M1AP: variants seen among roughly 807,000 people sequenced by gnomAD.
The protein encoded by M1AP is meiosis 1 arrest protein.
M1AP carries 39 observed loss-of-function variants against 51.2 expected under a neutral mutation model. The ratio of observed to expected loss-of-function variants is 0.76; its 90% confidence interval spans 0.59 to 1.00. M1AP has a LOEUF of 1.00. Ranked by LOEUF, M1AP falls within the 50% of genes least tolerant of loss-of-function variation. The pLI is 0.00. For synonymous variants in M1AP, 251 were observed against 249.2 expected, an observed-to-expected ratio of 1.01 and a Z score of -0.07; for missense variants, 545 against 641.2, an observed-to-expected ratio of 0.85 and a Z score of 1.62.
intron 2 of M1AP, among the ~76,000 whole-genome samples, chr2:74,633,839 T>C (rs946715451): frequency 1.3e-5 from 2 of 152,226 alleles, no homozygotes; most frequent in Non-Finnish European, 2.9e-5. Flanking sequence ...GTCCTAGAGG[T>C]GGTATGGCTA....
rs1214602171 is a variant in M1AP, at chr2:74,560,278, C to A, written c.1295G>T (p.Ser432Ile). 1 of 1,608,760 alleles carries A rather than the reference C, an allele frequency of 6.2e-7. No individual in the cohort carries two copies. The highest frequency in any genetic ancestry group is 8.5e-7 in the Non-Finnish European group (1 of 1,177,570). ...GTTGTAGGTGGGCTCCAGCTCCAGG[C>A]TGTCCAGCATGCTCTGAGGAAAAGA... ...SLKNVESMLD[S>I]LELEPTYNPL... The change falls in exon 9 of 11, where the codon AGC (serine) becomes ATC (isoleucine). Residue 432 changes from serine to isoleucine, a missense_variant. By Grantham distance (142) the Ser-to-Ile change is moderately radical (BLOSUM62 -2). Coordinates refer to ENST00000421985, the MANE Select transcript of M1AP (RefSeq NM_001321739.2).
At chr2:74,615,329 C>T (rs901953251) in intron 2 of M1AP, among the ~76,000 whole-genome samples, 180 bp from the exon 3 acceptor site, 11 of 152,190 alleles carry the variant, frequency 7.2e-5, no homozygotes, top group Non-Finnish European at 1.5e-4. Flanking sequence ...CTTCCCTACA[C>T]TAGCAGAAGG....
At position 74,628,711 on chromosome 2, in the gene M1AP, C is replaced by G. The variant is rs1682539503; in HGVS notation, c.240+11325G>C. The G allele has an allele frequency of 6.3e-6, 4 of 639,784 alleles. 1 individual carries two copies. The Admixed American group carries it at 8.1e-5, about 13-fold the overall frequency. The allele number at this position is 639,784 out of a possible 1,614,324, so 39.6% of individuals were successfully genotyped here. A position where few individuals can be genotyped will look rare whatever the true frequency, so the allele number is the denominator to read the frequency against. Reference sequence around the variant, plus strand: ...AGTCTACCTGTGATATTCTTTGCTGCCCAAAAGTCACATGACAACAACAAG... The same window carrying G: ...AGTCTACCTGTGATATTCTTTGCTGGCCAAAAGTCACATGACAACAACAAG... On this transcript the variant is annotated intron_variant, in intron 2 of 10. Coordinates refer to ENST00000421985, the MANE Select transcript of M1AP (RefSeq NM_001321739.2).
intron 4 of M1AP, among the ~76,000 whole-genome samples, chr2:74,599,203 C>T (rs1194828191): frequency 6.6e-6 from 1 of 152,056 alleles, no homozygotes; most frequent in Non-Finnish European, 1.5e-5. Flanking sequence ...TGCTTGAACC[C>T]AGGAGGTGGA....
At chr2:74,616,578 C>A (rs141693023) in intron 2 of M1AP, among the ~76,000 whole-genome samples, 1 of 152,190 alleles carries the variant, frequency 6.6e-6, no homozygotes, top group East Asian at 1.9e-4. Context: ...TTATGCTTGG[C>A]AACCTTTTAT....
At chr2:74,594,518 A>G (rs555090442) in intron 4 of M1AP, among the ~76,000 whole-genome samples, 1 of 152,300 alleles carries the variant, frequency 6.6e-6, no homozygotes, top group African/African-American at 2.4e-5. Context: ...GATAGAGAGA[A>G]AGAATGAGGC....
At chr2:74,560,359 G>C in intron 8 of M1AP, 68 bp from the exon 9 acceptor site, 2 of 1,488,584 alleles carry the variant, frequency 1.3e-6, no homozygotes, top group East Asian at 4.6e-5. Context: ...GTCAGGTAGC[G>C]ATCCAGGAGT....
intron 2 of M1AP, among the ~76,000 whole-genome samples, chr2:74,617,886 C>A (rs979483177): frequency 2.0e-5 from 3 of 152,174 alleles, no homozygotes; most frequent in Non-Finnish European, 1.5e-5. Flanking sequence ...TTTGGCAATG[C>A]CGAATCTGCA....
intron 7 of M1AP, among the ~76,000 whole-genome samples, chr2:74,568,264 C>G (rs1339852952): frequency 6.6e-6 from 1 of 152,234 alleles, no homozygotes. Flanking sequence ...TAATAAACAT[C>G]TACTTCTGCA....
chr2:74,558,252 A>T lies in M1AP; in HGVS notation c.*464T>A, dbSNP rs926313050. The T allele has an allele frequency of 1.2e-5, 2 of 163,926 alleles. No individual in the cohort carries two copies. Among genetic ancestry groups the T allele is most frequent in the Admixed American group, 6.5e-5 (1 of 15,346 alleles). 10.2% of individuals were successfully genotyped at this position (163,926 alleles called of 1,614,324 possible). A position where few individuals can be genotyped will look rare whatever the true frequency, so the allele number is the denominator to read the frequency against. On this transcript the variant is annotated 3_prime_UTR_variant, in exon 11 of 11. Transcript: ENST00000421985. ...TTTGGAGGCTGAAGCCTGGTGGTGT[A>T]GTGGGAAGGGCACAGGCTCTGAAAT...
At chr2:74,631,369 A>C (rs986662407) in intron 2 of M1AP, among the ~76,000 whole-genome samples, 2 of 152,300 alleles carry the variant, frequency 1.3e-5, no homozygotes, top group Admixed American at 1.3e-4. Context: ...AGCAGTATCT[A>C]TCAATTCACC....
intron 2 of M1AP, among the ~76,000 whole-genome samples, chr2:74,627,064 CA>C (rs1227862757): frequency 6.6e-6 from 1 of 152,086 alleles, no homozygotes; most frequent in Non-Finnish European, 1.5e-5. Context: ...TGAGTCTTCC[CA>C]AAAACGAATG....
At chr2:74,626,630 A>C (rs1682414022) in intron 2 of M1AP, among the ~76,000 whole-genome samples, 1 of 152,108 alleles carries the variant, frequency 6.6e-6, no homozygotes, top group South Asian at 2.1e-4. Context: ...TTGTACTCAG[A>C]CTAATACAAT....
At chr2:74,619,414 G>T (rs1306012046) in intron 2 of M1AP, 1 of 167,332 alleles carries the variant, frequency 6.0e-6, no homozygotes, top group South Asian at 1.7e-4. Context: ...GAAATGGGAT[G>T]GGGAGGCTCA....
At chr2:74,564,445 T>C (rs1678244584) in intron 7 of M1AP, among the ~76,000 whole-genome samples, 1 of 152,162 alleles carries the variant, frequency 6.6e-6, no homozygotes, top group South Asian at 2.1e-4. Context: ...GCATCCTCAC[T>C]AGAAGGTTTT....
chr2:74,647,171 G>C, intron 1 of M1AP: 1 of 964,432 alleles, frequency 1.0e-6, no homozygotes. Flanking sequence ...ACTGGAAACA[G>C]AATCCAATAT....
intron 7 of M1AP, among the ~76,000 whole-genome samples, chr2:74,570,934 T>C (rs556617862): frequency 2.0e-5 from 3 of 152,158 alleles, no homozygotes; most frequent in African/African-American, 4.8e-5. Context: ...TAAAAAAGCA[T>C]TGAGACAAGT....
intron 4 of M1AP, among the ~76,000 whole-genome samples, chr2:74,590,480 T>C (rs1679977758): frequency 6.6e-6 from 1 of 152,156 alleles, no homozygotes. Flanking sequence ...CATAGCAGAC[T>C]CCCTTAGCTC....
intron 7 of M1AP, among the ~76,000 whole-genome samples, chr2:74,563,834 T>A (rs1267036982): frequency 6.6e-6 from 1 of 152,150 alleles, no homozygotes. Context: ...ACCAGACTTC[T>A]GAGAAGATTT....
Sources: allele counts gnomAD v4.1 joint callset (sites outside exome capture counted in the v4.1 genomes callset), GRCh38; gene constraint gnomAD v4.1.1; transcripts MANE v1.5; gene names NCBI Gene and HGNC (gene_info 2026-07-23, HGNC 2026-07-21).